CIMAP1D: variants seen among roughly 807,000 people sequenced by gnomAD.
CIMAP1D encodes the protein protein CIMAP1D.
the CIMAP1D span, among the ~76,000 whole-genome samples, chr19:481,422 TGGAGAAGGATGATGGGGAAGGATGATG>T: frequency 2.5e-5 from 2 of 79,272 alleles, no homozygotes; most frequent in East Asian, 4.2e-4. Flanking sequence ...GGAAGGATGA[TGGAGAAGGATGATGGGGAAGGATGATG>T]GGGAAGGATG....
At chr19:468,983 C>T in the CIMAP1D span, among the ~76,000 whole-genome samples, 1 of 151,812 alleles carries the variant, frequency 6.6e-6, no homozygotes, top group Non-Finnish European at 1.5e-5. Context: ...CTGAGGAGTC[C>T]GTGGCACGCA....
chr19:484,790 C>T, the CIMAP1D span, among the ~76,000 whole-genome samples: 3 of 152,028 alleles, frequency 2.0e-5, no homozygotes, highest in Admixed American at 6.5e-5. Flanking sequence ...CCCAGCAGGT[C>T]GTGAAGGGCC....
chr19:488,133 C>G, the CIMAP1D span, among the ~76,000 whole-genome samples: 840 of 152,174 alleles, frequency 5.5e-3, 9 homozygotes, highest in African/African-American at 0.019. Context: ...GGAGTCTTGC[C>G]GATGGCCCCG....
chr19:479,554 G>A, the CIMAP1D span, among the ~76,000 whole-genome samples: 3 of 151,930 alleles, frequency 2.0e-5, no homozygotes, highest in Non-Finnish European at 4.4e-5. Context: ...ACAGGCGTGC[G>A]CAACCACGCC....
At chr19:474,824 C>G in the CIMAP1D span, 13 of 1,264,110 alleles carry the variant, frequency 1.0e-5, no homozygotes, top group Non-Finnish European at 1.1e-5. Flanking sequence ...CTGGCGGCCA[C>G]AGGCCCAGGC....
At chr19:465,707 G>T in the CIMAP1D span, among the ~76,000 whole-genome samples, 1 of 145,342 alleles carries the variant, frequency 6.9e-6, no homozygotes, top group Non-Finnish European at 1.5e-5. Flanking sequence ...GTGGGTGGGT[G>T]GATAGATGAA....
the CIMAP1D span, chr19:464,431 C>A: frequency 3.2e-6 from 3 of 951,064 alleles, no homozygotes; most frequent in Non-Finnish European, 4.9e-6. Flanking sequence ...GCCTGGCTCC[C>A]CATGGCCCAC....
At chr19:491,049 T>G in the CIMAP1D span, among the ~76,000 whole-genome samples, 1 of 151,480 alleles carries the variant, frequency 6.6e-6, no homozygotes, top group African/African-American at 2.4e-5. Context: ...TGAGCTGAGA[T>G]CGTGCCACTG....
the CIMAP1D span, among the ~76,000 whole-genome samples, chr19:490,930 CTCTACTAA>C: frequency 6.6e-6 from 1 of 152,322 alleles, no homozygotes; most frequent in African/African-American, 2.4e-5. Flanking sequence ...GAAACCCTGT[CTCTACTAA>C]AAATGCAAAA....
chr19:466,331 A>ATGCTGGAAGGAC, the CIMAP1D span, among the ~76,000 whole-genome samples: 1 of 69,622 alleles, frequency 1.4e-5, no homozygotes, highest in African/African-American at 5.9e-5. Context: ...GGTTGGGTGG[A>ATGCTGGAAGGAC]GGGTGGATGG....
chr19:464,129 C>T, the CIMAP1D span: 30 of 881,264 alleles, frequency 3.4e-5, no homozygotes, highest in Middle Eastern at 8.6e-4. Flanking sequence ...CAGGATCCTG[C>T]GGGGGGCGGG....
chr19:470,433 G>T, the CIMAP1D span, among the ~76,000 whole-genome samples: 1 of 151,464 alleles, frequency 6.6e-6, no homozygotes, highest in Non-Finnish European at 1.5e-5. Context: ...GGATGGTCTC[G>T]ATCTCCTGAC....
the CIMAP1D span, among the ~76,000 whole-genome samples, chr19:468,623 G>A: frequency 7.2e-5 from 11 of 152,212 alleles, no homozygotes; most frequent in African/African-American, 2.2e-4. Flanking sequence ...TGCACTTCCC[G>A]ATTGAGACCG....
chr19:464,337 G>A, the CIMAP1D span: 13 of 1,541,928 alleles, frequency 8.4e-6, no homozygotes, highest in South Asian at 1.4e-4. Context: ...TGGGCTGTAG[G>A]CCCCAGGGCC....
At chr19:490,078 G>A in the CIMAP1D span, 6 of 398,158 alleles carry the variant, frequency 1.5e-5, no homozygotes, top group Middle Eastern at 1.2e-3. Flanking sequence ...AAACAAGGCC[G>A]GGCGCGTTGG....
At chr19:467,618 C>A in the CIMAP1D span, 2 of 1,411,926 alleles carry the variant, frequency 1.4e-6, no homozygotes, top group Non-Finnish European at 2.0e-6. Context: ...GAAAGCAGGT[C>A]CTTGTGCGGC....
chr19:478,223 C>T, the CIMAP1D span, among the ~76,000 whole-genome samples: 1 of 152,228 alleles, frequency 6.6e-6, no homozygotes, highest in Non-Finnish European at 1.5e-5. Flanking sequence ...ACCCCAGGGG[C>T]TCCCACGGCT....
chr19:473,750 C>G, the CIMAP1D span, among the ~76,000 whole-genome samples: 2 of 112,040 alleles, frequency 1.8e-5, no homozygotes, highest in African/African-American at 8.5e-5. Flanking sequence ...GAGACTGAGG[C>G]CCAGGCAGAG....
At chr19:465,473 G>A in the CIMAP1D span, among the ~76,000 whole-genome samples, 6 of 149,990 alleles carry the variant, frequency 4.0e-5, no homozygotes, top group Admixed American at 1.3e-4. Flanking sequence ...ATAGATGGGT[G>A]GGTGGGTGGA....
Sources: gnomAD v4.1 joint callset for allele counts (sites outside exome capture counted in the v4.1 genomes callset) on GRCh38, gnomAD v4.1.1 for gene constraint, MANE v1.5 for transcripts, NCBI Gene and HGNC (gene_info 2026-07-23, HGNC 2026-07-21) for gene names.